Variants in RAB28 observed in about 807,000 individuals in gnomAD.
RAB28 encodes the protein ras-related protein Rab-28.
A neutral mutation model predicts 31.7 loss-of-function variants in RAB28; 24 were observed. The ratio of observed to expected loss-of-function variants is 0.76; its 90% confidence interval spans 0.55 to 1.06. The LOEUF is 1.06. Ranked by LOEUF, RAB28 falls within the 50% of genes least tolerant of loss-of-function variation. The pLI, the probability that RAB28 is intolerant of heterozygous loss-of-function variation, is 0.00. For missense variants in RAB28, 254 were observed against 258.5 expected (o/e 0.98, Z 0.12); for synonymous variants, 100 against 90.4 (o/e 1.11, Z -0.60).
At chr4:13,432,715 G>C (rs546856510) in intron 4 of RAB28, among the ~76,000 whole-genome samples, 1 of 152,140 alleles carries the variant, frequency 6.6e-6, no homozygotes, top group Non-Finnish European at 1.5e-5. Context: ...GAGAAATAAA[G>C]TTTTTCTAGA....
chr4:13,381,441 T>G (rs1252240825), intron 5 of RAB28, 50 bp downstream of exon 5: 1 of 1,312,602 alleles, frequency 7.6e-7, no homozygotes, highest in Non-Finnish European at 1.1e-6. Context: ...CCTAGGAATG[T>G]TAGTAAATAA....
intron 4 of RAB28, among the ~76,000 whole-genome samples, chr4:13,422,249 C>G (rs552231406): frequency 5.9e-5 from 9 of 152,208 alleles, no homozygotes; most frequent in African/African-American, 1.9e-4. Flanking sequence ...AAGGAAACAA[C>G]AGATGCTGGA....
chr4:13,426,598 T>C (rs1713509141), intron 4 of RAB28, among the ~76,000 whole-genome samples: 1 of 152,196 alleles, frequency 6.6e-6, no homozygotes, highest in South Asian at 2.1e-4. Context: ...CATATTTTTA[T>C]GGCTATACCT....
chr4:13,481,810 T>G (rs1716619560), intron 1 of RAB28, among the ~76,000 whole-genome samples: 2 of 151,996 alleles, frequency 1.3e-5, no homozygotes, highest in Non-Finnish European at 2.9e-5. Context: ...TGCTCAGAGT[T>G]AGATTGAGCA....
rs1577233025 is a variant in RAB28, at chr4:13,457,586, C to T, written c.391+3113G>A. 6.0e-5 allele frequency among the ~76,000 whole-genome samples: 9 copies of T among 150,908 alleles called. 1 individual carries two copies. The South Asian group carries it at 1.9e-3, about 31-fold the overall frequency. On this transcript the variant is annotated intron_variant, in intron 4 of 6. Transcript: ENST00000330852. ...ATAAATACATACAAAGGGGTTATAG[C>T]TATGCCAAAAGTAAAAAAAGAAAAA... is the stretch of plus-strand genomic sequence containing the variant.
At chr4:13,412,086 A>G (rs1712470888) in intron 4 of RAB28, among the ~76,000 whole-genome samples, 2 of 152,174 alleles carry the variant, frequency 1.3e-5, no homozygotes, top group Non-Finnish European at 2.9e-5. Context: ...TACAGCCCCT[A>G]CACCACAATT....
chr4:13,394,116 TA>T (rs1411262788), intron 4 of RAB28, among the ~76,000 whole-genome samples: 1 of 151,814 alleles, frequency 6.6e-6, no homozygotes, highest in Non-Finnish European at 1.5e-5. Flanking sequence ...GATAAGAGAG[TA>T]ACAGAGTGAA....
intron 4 of RAB28, among the ~76,000 whole-genome samples, chr4:13,395,990 T>C (rs1280053638): frequency 6.6e-6 from 1 of 152,064 alleles, no homozygotes; most frequent in Non-Finnish European, 1.5e-5. Context: ...ATTAATTGTA[T>C]TATTAATGTC....
At chr4:13,393,699 A>G (rs1307721528) in intron 4 of RAB28, among the ~76,000 whole-genome samples, 2 of 151,878 alleles carry the variant, frequency 1.3e-5, no homozygotes, top group African/African-American at 4.8e-5. Flanking sequence ...TGTATGCATA[A>G]TTAACTATAT....
At chr4:13,423,230 T>C (rs1713270988) in intron 4 of RAB28, among the ~76,000 whole-genome samples, 1 of 152,010 alleles carries the variant, frequency 6.6e-6, no homozygotes, top group Non-Finnish European at 1.5e-5. Context: ...CTAAGAACAG[T>C]TGTAACCTTT....
chr4:13,463,853 AG>A (rs1317482898), intron 3 of RAB28, among the ~76,000 whole-genome samples: 3 of 152,146 alleles, frequency 2.0e-5, no homozygotes, highest in Non-Finnish European at 4.4e-5. Flanking sequence ...AAAATATAAA[AG>A]GAATTATAGG....
At chr4:13,471,118 A>T (rs1028311440) in intron 3 of RAB28, among the ~76,000 whole-genome samples, 1 of 152,104 alleles carries the variant, frequency 6.6e-6, no homozygotes, top group African/African-American at 2.4e-5. Flanking sequence ...CATTAAACTG[A>T]TATCCTGAAA....
intron 4 of RAB28, among the ~76,000 whole-genome samples, chr4:13,396,952 T>TA (rs1182637948): frequency 2.0e-5 from 3 of 152,134 alleles, no homozygotes; most frequent in Non-Finnish European, 4.4e-5. Context: ...AGCCTATACT[T>TA]ATTTGGTTGT....
intron 4 of RAB28, among the ~76,000 whole-genome samples, chr4:13,413,692 G>C (rs1425795737): frequency 6.6e-6 from 1 of 152,156 alleles, no homozygotes; most frequent in African/African-American, 2.4e-5. Flanking sequence ...GAAAAGAAGA[G>C]ATAGTTTTTT....
intron 4 of RAB28, among the ~76,000 whole-genome samples, chr4:13,426,239 GAGGA>G (rs1272476830): frequency 5.3e-5 from 8 of 152,026 alleles, no homozygotes; most frequent in Admixed American, 5.2e-4. Context: ...AAGCCTTACT[GAGGA>G]AGGGAGGGCA....
chr4:13,425,171 C>T (rs1016667746), intron 4 of RAB28, among the ~76,000 whole-genome samples: 9 of 152,232 alleles, frequency 5.9e-5, no homozygotes, highest in Middle Eastern at 3.4e-3. Flanking sequence ...CATCTGGATT[C>T]CAGAGTTACA....
At chr4:13,466,723 T>G (rs1003988123) in intron 3 of RAB28, among the ~76,000 whole-genome samples, 1 of 151,932 alleles carries the variant, frequency 6.6e-6, no homozygotes, top group Admixed American at 6.6e-5. Flanking sequence ...CAAAGAGGTT[T>G]TTGCACTCCC....
chr4:13,425,476 C>A (rs191454247), intron 4 of RAB28, among the ~76,000 whole-genome samples: 23 of 152,156 alleles, frequency 1.5e-4, no homozygotes, highest in African/African-American at 4.8e-4. Flanking sequence ...CTTCAGAAAC[C>A]CCAACATTGG....
intron 4 of RAB28, among the ~76,000 whole-genome samples, chr4:13,405,150 G>A (rs1560279328): frequency 6.6e-6 from 1 of 152,082 alleles, no homozygotes; most frequent in Non-Finnish European, 1.5e-5. Context: ...TAAATTGGGA[G>A]GAGAAAAACA....
Sources: allele counts gnomAD v4.1 joint callset (sites outside exome capture counted in the v4.1 genomes callset), GRCh38; gene constraint gnomAD v4.1.1; transcripts MANE v1.5; gene names NCBI Gene and HGNC (gene_info 2026-07-23, HGNC 2026-07-21).